AGAP1: variants seen among roughly 807,000 people sequenced by gnomAD.
AGAP1 encodes the protein arf-GAP with GTPase, ANK repeat and PH domain-containing protein 1.
Under a neutral mutation model 105.3 loss-of-function variants are expected in AGAP1, and 29 were observed. The observed-to-expected ratio is 0.28, with a 90% CI of 0.21 to 0.38. AGAP1 has a LOEUF of 0.38. Ranked by LOEUF, AGAP1 falls within the 10% of genes least tolerant of loss-of-function variation. The pLI is 1.00. For missense variants in AGAP1, 998 were observed against 1,165.1 expected, an observed-to-expected ratio of 0.86 and a Z score of 2.09; for synonymous variants, 509 against 485.9, an observed-to-expected ratio of 1.05 and a Z score of -0.63.
intron 9 of AGAP1, among the ~76,000 whole-genome samples, chr2:235,838,880 T>G (rs1355657829): frequency 6.6e-6 from 1 of 152,150 alleles, no homozygotes; most frequent in Non-Finnish European, 1.5e-5. Context: ...AAATTAGAAG[T>G]GAACACAACT....
rs1951267602 is a variant in AGAP1 at position 235,719,309 on chromosome 2, A to G, written c.310+1665A>G. ...ACTCACTCATGGTGGCCTTTCTGCT[A>G]TATGGCTATTTGGTCATTTTTGTGG... On this transcript the variant is annotated intron_variant, in intron 3 of 17. Coordinates refer to ENST00000304032, the MANE Select transcript of AGAP1 (RefSeq NM_001037131.3). The surrounding 1 kb of genome is among the most constrained non-coding windows in gnomAD (Gnocchi z 4.9). Among the ~76,000 whole-genome samples the G allele has an allele frequency of 6.6e-6, 1 of 152,306 alleles. No homozygotes were observed. Among genetic ancestry groups the G allele is most frequent in the South Asian group, 2.1e-4 (1 of 4,824 alleles).
At position 235,930,753 on chromosome 2, in the gene AGAP1, G is replaced by A. The variant is rs747671226; in HGVS notation, c.1325-12G>A. 1 of 1,612,772 alleles carries A rather than the reference G, an allele frequency of 6.2e-7. No homozygotes were observed. The highest frequency in any genetic ancestry group is 2.2e-5 in the East Asian group (1 of 44,838). ...GTCCGCGGTGGTGTTCACCTGACTT[G>A]TTTATTCCTAGGGAATGTCACTAGT... is the stretch of plus-strand genomic sequence containing the variant. On this transcript the variant is annotated splice_polypyrimidine_tract_variant and intron_variant, in intron 11 of 17. Coordinates refer to ENST00000304032, the MANE Select transcript of AGAP1 (RefSeq NM_001037131.3). This position sits in a 1 kb window ranked among gnomAD's most constrained non-coding sequence, Gnocchi z 7.9.
chr2:236,113,838 A>G lies in AGAP1; in HGVS notation c.2115-6354A>G, dbSNP rs533762519. ...GCTCAGTGCCTGGCTGTCCCTGTGGATGGCTTCCTGTCATGGCCCAGAGAG... is the reference window on the plus strand; with the variant it reads ...GCTCAGTGCCTGGCTGTCCCTGTGGGTGGCTTCCTGTCATGGCCCAGAGAG... On this transcript the variant is annotated intron_variant, in intron 16 of 17. Transcript: ENST00000304032. The surrounding 1 kb of genome is among the most constrained non-coding windows in gnomAD (Gnocchi z 4.3). Among the ~76,000 whole-genome samples, 4 of 152,276 alleles carry G rather than the reference A, an allele frequency of 2.6e-5. No homozygotes were observed. The highest frequency in any genetic ancestry group is 2.6e-4 in the Admixed American group (4 of 15,308).
Position 236,046,811 on chromosome 2 carries a change from A to G in AGAP1, c.1892-2248A>G, listed in dbSNP as rs1272440717. On this transcript the variant is annotated intron_variant, in intron 15 of 17. Coordinates refer to ENST00000304032, the MANE Select transcript of AGAP1 (RefSeq NM_001037131.3). This position sits in a 1 kb window ranked among gnomAD's most constrained non-coding sequence, Gnocchi z 5.2. ...AACCAGGAAAGTGGGGAAAAAATCC[A>G]GAGAGGTCGTTGACCAAAAAGGTAT... Among the ~76,000 whole-genome samples, 1 of 152,174 alleles carries G rather than the reference A, an allele frequency of 6.6e-6. No individual in the cohort carries two copies. Among genetic ancestry groups the G allele is most frequent in the African/African-American group, 2.4e-5 (1 of 41,444 alleles).
At position 235,628,390 on chromosome 2, in the gene AGAP1, G is replaced by A. The variant is rs995627171; in HGVS notation, c.164-80789G>A. 2.0e-5 allele frequency among the ~76,000 whole-genome samples: 3 copies of A among 152,196 alleles called. No homozygotes were observed. In the East Asian group the frequency reaches 5.8e-4, roughly 29 times the overall value. ...GGAGGAGCACTGGACTTGTCCAGGG[G>A]CACCTAGCAGGGATCCAGGGACCCA... On this transcript the variant is annotated intron_variant, in intron 1 of 17. Coordinates refer to ENST00000304032, the MANE Select transcript of AGAP1 (RefSeq NM_001037131.3).
rs999229603 is a variant in AGAP1, at chr2:235,728,324, T to C, written c.310+10680T>C. Among the ~76,000 whole-genome samples, 2 of 150,944 alleles carry C rather than the reference T, an allele frequency of 1.3e-5. No individual in the cohort carries two copies. The highest frequency in any genetic ancestry group is 2.9e-5 in the Non-Finnish European group (2 of 67,968). ...CTCTGTGTGTGTGTGTGTGTGTGTG[T>C]GTGCGTGCTCTTAAATCAATGTAAA... On this transcript the variant is annotated intron_variant, in intron 3 of 17. Transcript: ENST00000304032. This position sits in a 1 kb window ranked among gnomAD's most constrained non-coding sequence, Gnocchi z 4.3.
At chr2:235,969,094 C>T (rs2054531180) in intron 13 of AGAP1, among the ~76,000 whole-genome samples, 1 of 152,190 alleles carries the variant, frequency 6.6e-6, no homozygotes, top group African/African-American at 2.4e-5. Context: ...ATAAACACTT[C>T]TTCTGTTAAT....
rs1001089791 is a variant in AGAP1, at chr2:235,992,185, A to G, written c.1645+23562A>G. 1.3e-5 allele frequency among the ~76,000 whole-genome samples: 2 copies of G among 151,568 alleles called. No homozygotes were observed. Among genetic ancestry groups the G allele is most frequent in the Non-Finnish European group, 2.9e-5 (2 of 67,860 alleles). ...CCTGGGTCCGAGTTGCGTGGTTAGG[A>G]GCGCAGCGGAGGAGCCGGTCTTCCT... On this transcript the variant is annotated intron_variant, in intron 13 of 17. Coordinates refer to ENST00000304032, the MANE Select transcript of AGAP1 (RefSeq NM_001037131.3). This position sits in a 1 kb window ranked among gnomAD's most constrained non-coding sequence, Gnocchi z 4.8.
intron 9 of AGAP1, among the ~76,000 whole-genome samples, chr2:235,871,292 G>A (rs147155160): frequency 1.3e-5 from 2 of 152,284 alleles, no homozygotes; most frequent in African/African-American, 4.8e-5. Flanking sequence ...AAAATTCCCT[G>A]GACCTCCTCT....
At chr2:235,949,099 G>A (rs1263970981) in intron 12 of AGAP1, among the ~76,000 whole-genome samples, 1 of 152,214 alleles carries the variant, frequency 6.6e-6, no homozygotes, top group Non-Finnish European at 1.5e-5. Context: ...TTCTCCCTGG[G>A]TGAGGCAAGC....
intron 6 of AGAP1, among the ~76,000 whole-genome samples, chr2:235,759,314 GCC>G (rs1559446866): frequency 5.9e-5 from 9 of 151,874 alleles, no homozygotes; most frequent in Non-Finnish European, 5.9e-5. Flanking sequence ...GACTACAGGC[GCC>G]TGCCACCACG....
Position 235,807,290 on chromosome 2 carries a change from G to A in AGAP1, c.1009G>A (p.Ala337Thr), listed in dbSNP as rs949912657. 4 of 1,605,584 alleles carry A rather than the reference G, an allele frequency of 2.5e-6. No individual in the cohort carries two copies. Among genetic ancestry groups the A allele is most frequent in the East Asian group, 2.3e-5 (1 of 44,304 alleles). ...DKEKKGLESR[A>T]DSIGSGRAIP... Reference sequence around the variant, plus strand: ...AGAGAAGAAAGGCCTGGAGAGTCGTGCGGACAGCATTGGGAGCGGCCGAGC... The same window carrying A: ...AGAGAAGAAAGGCCTGGAGAGTCGTACGGACAGCATTGGGAGCGGCCGAGC... The change falls in exon 9 of 18, where the codon GCG (alanine) becomes ACG (threonine). Residue 337 changes from alanine (A) to threonine (T), a missense_variant. Ala to Thr is a moderately conservative substitution (Grantham distance 58). Coordinates refer to ENST00000304032, the MANE Select transcript of AGAP1 (RefSeq NM_001037131.3).
intron 1 of AGAP1, 129 bp downstream of exon 1, chr2:235,494,978 A>C (rs1332506657): frequency 2.3e-6 from 2 of 856,114 alleles, no homozygotes; most frequent in Non-Finnish European, 3.2e-6. Context: ...CCGAGGGAGC[A>C]CTGCGGCGCT....
Position 235,691,472 on chromosome 2 carries a change from T to C in AGAP1, c.164-17707T>C, listed in dbSNP as rs1156503499. On this transcript the variant is annotated intron_variant, in intron 1 of 17. Transcript: ENST00000304032. This position sits in a 1 kb window ranked among gnomAD's most constrained non-coding sequence, Gnocchi z 4.4. Reference sequence around the variant, plus strand: ...GCTGAAGACTGTAAAGATACTCATTTGAGATGTGCCAACATTTAGTCGGAT... The same window carrying C: ...GCTGAAGACTGTAAAGATACTCATTCGAGATGTGCCAACATTTAGTCGGAT... Among the ~76,000 whole-genome samples the C allele has an allele frequency of 6.6e-6, 1 of 152,256 alleles. No homozygotes were observed. The highest frequency in any genetic ancestry group is 2.4e-5 in the African/African-American group (1 of 41,474).
intron 1 of AGAP1, among the ~76,000 whole-genome samples, chr2:235,699,191 G>C (rs1165140122): frequency 6.6e-6 from 1 of 152,146 alleles, no homozygotes; most frequent in Non-Finnish European, 1.5e-5. Flanking sequence ...CTCCTACTTT[G>C]GTGGGGTGTT....
chr2:235,991,586 G>A (rs374423093), intron 13 of AGAP1, among the ~76,000 whole-genome samples: 5 of 152,170 alleles, frequency 3.3e-5, no homozygotes, highest in African/African-American at 9.7e-5. Flanking sequence ...ATTTCATTTC[G>A]TATAAGATTA....
intron 13 of AGAP1, among the ~76,000 whole-genome samples, chr2:235,975,681 C>A (rs1383963496): frequency 6.6e-6 from 1 of 152,134 alleles, no homozygotes; most frequent in Non-Finnish European, 1.5e-5. Context: ...ACATTGAATT[C>A]TGTGTTATTT....
intron 1 of AGAP1, chr2:235,670,624 C>T (rs1343409074): frequency 1.3e-5 from 8 of 607,742 alleles, no homozygotes; most frequent in Non-Finnish European, 2.3e-5. Flanking sequence ...GAAGGCGCCA[C>T]AGCAGCTCCG....
chr2:235,561,611 C>G (rs1025321119), intron 1 of AGAP1, among the ~76,000 whole-genome samples: 1 of 152,150 alleles, frequency 6.6e-6, no homozygotes, highest in Admixed American at 6.5e-5. Flanking sequence ...GGCAAGTGTT[C>G]TTGAGGCTTA....
Sources: gnomAD v4.1 joint callset for allele counts (sites outside exome capture counted in the v4.1 genomes callset) on GRCh38, gnomAD v4.1.1 for gene constraint, Gnocchi (gnomAD v3.1) non-coding constraint, MANE v1.5 for transcripts, NCBI Gene and HGNC (gene_info 2026-07-23, HGNC 2026-07-21) for gene names.